Variants in AGBL4 observed in about 807,000 individuals in gnomAD.
AGBL4 encodes the protein AGBL carboxypeptidase 4, also known as cytosolic carboxypeptidase 6.
AGBL4 carries 58 observed loss-of-function variants against 66.4 expected under a neutral mutation model. The ratio of observed to expected loss-of-function variants is 0.87; its 90% CI spans 0.71 to 1.09. AGBL4 has a LOEUF of 1.09. Among genes scored for constraint, AGBL4 ranks in the 50% least tolerant of loss-of-function variants. The pLI is 0.00. For missense variants in AGBL4, 579 were observed against 631.0 expected, an observed-to-expected ratio of 0.92 and a Z score of 0.88; for synonymous variants, 234 against 222.9, an observed-to-expected ratio of 1.05 and a Z score of -0.44.
At chr1:48,888,387 C>T (rs1040996505) in intron 5 of AGBL4, among the ~76,000 whole-genome samples, 2 of 152,122 alleles carry the variant, frequency 1.3e-5, no homozygotes, top group African/African-American at 2.4e-5. Flanking sequence ...TCCTTCTGTC[C>T]GTTAGAGGAG....
intron 4 of AGBL4, among the ~76,000 whole-genome samples, chr1:49,083,809 C>A (rs1427228780): frequency 6.6e-6 from 1 of 152,202 alleles, no homozygotes; most frequent in African/African-American, 2.4e-5. Context: ...AACATAAGCT[C>A]CAATCCAAAT....
At chr1:48,774,150 G>GATTA (rs1557979552) in intron 6 of AGBL4, among the ~76,000 whole-genome samples, 1 of 152,228 alleles carries the variant, frequency 6.6e-6, no homozygotes, top group African/African-American at 2.4e-5. Flanking sequence ...GTGTCAGAGA[G>GATTA]ATTAATTAAT....
chr1:48,733,375 T>C (rs187706601), intron 6 of AGBL4, among the ~76,000 whole-genome samples: 56 of 152,158 alleles, frequency 3.7e-4, no homozygotes, highest in African/African-American at 1.2e-3. Flanking sequence ...GGCAGGAAAA[T>C]GGAGGACATA....
chr1:49,289,281 T>C (rs1171259622), intron 3 of AGBL4, among the ~76,000 whole-genome samples: 1 of 152,072 alleles, frequency 6.6e-6, no homozygotes, highest in Non-Finnish European at 1.5e-5. Context: ...AAGAAAGGAA[T>C]AGTGAAATGA....
intron 6 of AGBL4, among the ~76,000 whole-genome samples, chr1:48,719,005 T>C (rs527348203): frequency 4.8e-4 from 73 of 152,342 alleles, no homozygotes; most frequent in Admixed American, 2.9e-3. Context: ...CAGCTCCTTG[T>C]TGCTAATAAA....
At chr1:49,766,918 AAT>A (rs1337821702) in intron 2 of AGBL4, among the ~76,000 whole-genome samples, 3 of 152,166 alleles carry the variant, frequency 2.0e-5, no homozygotes, top group Admixed American at 2.0e-4. Context: ...CTAAATTTAG[AAT>A]GTACACAATA....
intron 3 of AGBL4, among the ~76,000 whole-genome samples, chr1:49,575,882 C>T (rs573906823): frequency 2.6e-5 from 4 of 152,298 alleles, no homozygotes; most frequent in East Asian, 3.9e-4. Context: ...TTTGGAGAGA[C>T]CTTCATCGCT....
At chr1:49,461,756 GA>G (rs1268449083) in intron 3 of AGBL4, among the ~76,000 whole-genome samples, 1 of 151,396 alleles carries the variant, frequency 6.6e-6, no homozygotes, top group Non-Finnish European at 1.5e-5. Flanking sequence ...TGCTGAGAAG[GA>G]TGGTTTCCAG....
intron 3 of AGBL4, among the ~76,000 whole-genome samples, chr1:49,678,717 T>A (rs1475949447): frequency 6.6e-6 from 1 of 152,168 alleles, no homozygotes; most frequent in Non-Finnish European, 1.5e-5. Flanking sequence ...TTTAAAACCA[T>A]AAATTACTTA....
intron 2 of AGBL4, among the ~76,000 whole-genome samples, chr1:49,828,038 C>A (rs1645557073): frequency 1.3e-5 from 2 of 151,650 alleles, no homozygotes; most frequent in Non-Finnish European, 2.9e-5. Flanking sequence ...TGCATAATTG[C>A]ATTTTTATTG....
At chr1:49,067,533 T>C (rs1644513713) in intron 4 of AGBL4, among the ~76,000 whole-genome samples, 1 of 152,210 alleles carries the variant, frequency 6.6e-6, no homozygotes, top group South Asian at 2.1e-4. Flanking sequence ...TTCTCTCTTT[T>C]GAACGTTCTT....
At position 49,070,583 on chromosome 1, in the gene AGBL4, G is replaced by A. The variant is rs180976135; in HGVS notation, c.378-24783C>T. 3.9e-5 allele frequency among the ~76,000 whole-genome samples: 6 copies of A among 151,976 alleles called. No individual in the cohort carries two copies. In the East Asian group the frequency reaches 5.8e-4, roughly 15 times the overall value. On this transcript the variant is annotated intron_variant, in intron 4 of 13. Coordinates refer to ENST00000371839, the MANE Select transcript of AGBL4 (RefSeq NM_032785.4). ...AGCCTTGCATCCCAGGGATGAAACC[G>A]ACTTGATTGTGGTGGATAAGCTTTT...
intron 3 of AGBL4, among the ~76,000 whole-genome samples, chr1:49,431,594 C>G (rs2148657327): frequency 6.6e-6 from 1 of 152,180 alleles, no homozygotes; most frequent in Non-Finnish European, 1.5e-5. Context: ...GAGAAGGACA[C>G]CAGCAAATCC....
chr1:48,551,711 T>C (rs1644251396), intron 11 of AGBL4, among the ~76,000 whole-genome samples: 1 of 152,148 alleles, frequency 6.6e-6, no homozygotes, highest in East Asian at 1.9e-4. Context: ...GCTGTGTGCC[T>C]TGGTTTCCTC....
chr1:49,680,898 CT>C lies in AGBL4; in HGVS notation c.282+16414del, dbSNP rs561782422. On this transcript the variant is annotated intron_variant, in intron 3 of 13. Coordinates refer to ENST00000371839, the MANE Select transcript of AGBL4 (RefSeq NM_032785.4). ...TGTTCCTGATGCTCTGTTGTTTTTCCTTTTTTTTTTTTAAACTATTGTCCTC... is the reference window on the plus strand; with the variant it reads ...TGTTCCTGATGCTCTGTTGTTTTTCCTTTTTTTTTTTAAACTATTGTCCTC... Among the ~76,000 whole-genome samples the C allele has an allele frequency of 3.1e-3, 446 of 143,020 alleles. 1 individual carries two copies. Among genetic ancestry groups the C allele is most frequent in the South Asian group, 0.01 (46 of 4,542 alleles). The allele number at this position is 143,020 out of a possible 152,430, so 93.8% of individuals were successfully genotyped here.
chr1:48,672,546 C>T (rs1020540570), intron 6 of AGBL4, among the ~76,000 whole-genome samples: 1 of 152,224 alleles, frequency 6.6e-6, no homozygotes, highest in Non-Finnish European at 1.5e-5. Context: ...CAAAGTCTTA[C>T]AGCTGTGTTT....
At chr1:49,393,406 A>T (rs1352873416) in intron 3 of AGBL4, among the ~76,000 whole-genome samples, 1 of 152,166 alleles carries the variant, frequency 6.6e-6, no homozygotes, top group Non-Finnish European at 1.5e-5. Context: ...TCTTATTCCC[A>T]ATACTATATT....
At chr1:48,893,903 T>C (rs1187908237) in intron 5 of AGBL4, among the ~76,000 whole-genome samples, 1 of 152,112 alleles carries the variant, frequency 6.6e-6, no homozygotes, top group Admixed American at 6.5e-5. Context: ...ACCCAGTTTA[T>C]GGTACTTTGT....
chr1:49,330,256 A>C (rs1412620254), intron 3 of AGBL4, among the ~76,000 whole-genome samples: 1 of 152,120 alleles, frequency 6.6e-6, no homozygotes, highest in African/African-American at 2.4e-5. Flanking sequence ...GTCCCTACTA[A>C]AAATACAAAA....
Sources: gnomAD v4.1 joint callset for allele counts (sites outside exome capture counted in the v4.1 genomes callset) on GRCh38, gnomAD v4.1.1 for gene constraint, MANE v1.5 for transcripts, NCBI Gene and HGNC (gene_info 2026-07-23, HGNC 2026-07-21) for gene names.